Variants in STXBP5 observed in about 807,000 individuals in gnomAD.
STXBP5 encodes syntaxin binding protein 5, also known as syntaxin-binding protein 5.
STXBP5 carries 50 observed loss-of-function variants against 152.4 expected under a neutral mutation model. That is an observed-to-expected ratio of 0.33 (90% confidence interval 0.26 to 0.42). The LOEUF (loss-of-function observed/expected upper bound fraction) is 0.42. STXBP5 is among the 10% of genes least tolerant of loss of function. The pLI, the probability that STXBP5 is intolerant of heterozygous loss-of-function variation, is 1.00. For missense variants in STXBP5, 1,167 were observed against 1,388.6 expected (o/e 0.84, Z 2.54); for synonymous variants, 492 against 494.7 (o/e 0.99, Z 0.07).
chr6:147,300,077 AAGAT>A (rs1267913690), intron 9 of STXBP5, among the ~76,000 whole-genome samples: 4 of 152,098 alleles, frequency 2.6e-5, no homozygotes, highest in Non-Finnish European at 5.9e-5. Flanking sequence ...CTACTGAAAA[AAGAT>A]AGCTAGGATT....
intron 9 of STXBP5, among the ~76,000 whole-genome samples, chr6:147,296,967 A>G (rs1277930834): frequency 6.6e-6 from 1 of 152,214 alleles, no homozygotes; most frequent in Non-Finnish European, 1.5e-5. Flanking sequence ...ATGGAACTTA[A>G]GAGTTGCATT....
chr6:147,370,832 T>C (rs1041468753), intron 25 of STXBP5, among the ~76,000 whole-genome samples: 4 of 152,058 alleles, frequency 2.6e-5, no homozygotes, highest in Admixed American at 1.3e-4. Flanking sequence ...CCTGGAGATA[T>C]TTATTTTTTC....
At chr6:147,238,993 C>A (rs78980862) in intron 3 of STXBP5, among the ~76,000 whole-genome samples, 177 bp from the exon 4 acceptor site, 3,566 of 152,212 alleles carry the variant, frequency 0.023, 141 homozygotes, top group African/African-American at 0.078. Context: ...GCATGTAATA[C>A]ACGTACACTT....
intron 18 of STXBP5, 53 bp downstream of exon 18, chr6:147,327,329 G>T (rs1783315765): frequency 8.9e-6 from 14 of 1,566,966 alleles, no homozygotes; most frequent in Non-Finnish European, 1.2e-5. Context: ...ATAAATGCTG[G>T]CTTACTTTTG....
At chr6:147,304,792 T>C (rs942006472) in intron 9 of STXBP5, among the ~76,000 whole-genome samples, 3 of 152,090 alleles carry the variant, frequency 2.0e-5, no homozygotes, top group South Asian at 4.1e-4. Context: ...TTTTGGAAAT[T>C]TAAGGATTAA....
At chr6:147,257,730 A>G (rs551992825) in intron 4 of STXBP5, among the ~76,000 whole-genome samples, 2 of 152,252 alleles carry the variant, frequency 1.3e-5, no homozygotes, top group Admixed American at 6.5e-5. Flanking sequence ...TTATTTTCCT[A>G]TATGTTTTTA....
At chr6:147,300,328 G>C (rs570384743) in intron 9 of STXBP5, among the ~76,000 whole-genome samples, 19 of 152,142 alleles carry the variant, frequency 1.2e-4, no homozygotes, top group Non-Finnish European at 2.7e-4. Context: ...CACAAAAAAT[G>C]TAAATAGTGA....
intron 9 of STXBP5, among the ~76,000 whole-genome samples, chr6:147,297,901 T>C (rs1263625165): frequency 7.0e-6 from 1 of 142,782 alleles, no homozygotes; most frequent in Non-Finnish European, 1.6e-5. Flanking sequence ...CTTAGTACCA[T>C]AGAAAAACCA....
At position 147,327,081 on chromosome 6, in the gene STXBP5, ATTAT is replaced by A. The variant is rs778830926; in HGVS notation, c.1929-41_1929-38del. 20 of 1,576,278 alleles carry A rather than the reference ATTAT, an allele frequency of 1.3e-5. No individual in the cohort carries two copies. In the African/African-American group the frequency reaches 2.3e-4, roughly 18 times the overall value. ...ATAGACTGTAGTACATTTTTTTGGA[ATTAT>A]TTGTTTGTGCTAAAATGTTTGTTAT... On this transcript the variant is annotated intron_variant, in intron 17 of 27. Transcript: ENST00000321680.
chr6:147,220,030 T>C (rs1040018420), intron 2 of STXBP5, among the ~76,000 whole-genome samples: 5 of 151,902 alleles, frequency 3.3e-5, no homozygotes, highest in African/African-American at 1.2e-4. Context: ...AAATTCCCTT[T>C]AAGTACTATT....
intron 3 of STXBP5, among the ~76,000 whole-genome samples, chr6:147,237,850 G>C (rs927424891): frequency 2.0e-5 from 3 of 152,038 alleles, no homozygotes; most frequent in African/African-American, 7.2e-5. Context: ...CTAAAAGATT[G>C]GTCTTGCAAA....
At chr6:147,240,559 G>C (rs903906311) in intron 4 of STXBP5, among the ~76,000 whole-genome samples, 1 of 152,074 alleles carries the variant, frequency 6.6e-6, no homozygotes, top group South Asian at 2.1e-4. Flanking sequence ...GTTTTCTCAA[G>C]TGGCTACTTT....
chr6:147,281,270 C>T (rs769241676), intron 8 of STXBP5, among the ~76,000 whole-genome samples: 1 of 152,130 alleles, frequency 6.6e-6, no homozygotes, highest in Non-Finnish European at 1.5e-5. Flanking sequence ...GTTGGCCAGG[C>T]TGGTCTCAAA....
chr6:147,258,550 C>T (rs956951090), intron 4 of STXBP5, among the ~76,000 whole-genome samples: 10 of 152,138 alleles, frequency 6.6e-5, no homozygotes, highest in Admixed American at 6.5e-4. Context: ...TCTCGTGCCT[C>T]AGCCTCCTGA....
At chr6:147,328,767 C>T (rs1204310107) in intron 18 of STXBP5, 3 of 470,794 alleles carry the variant, frequency 6.4e-6, no homozygotes, top group East Asian at 6.9e-5. Flanking sequence ...GAAAAAACTA[C>T]GTTCTTCTTT....
intron 22 of STXBP5, among the ~76,000 whole-genome samples, chr6:147,357,524 G>A (rs1582991416): frequency 1.3e-5 from 2 of 152,210 alleles, no homozygotes; most frequent in East Asian, 3.9e-4. Context: ...TTTAGATTGA[G>A]GCCACAGAAT....
At chr6:147,321,736 G>T (rs1342171175) in intron 16 of STXBP5, among the ~76,000 whole-genome samples, 2 of 152,100 alleles carry the variant, frequency 1.3e-5, no homozygotes, top group Non-Finnish European at 2.9e-5. Flanking sequence ...TTTAAAATAC[G>T]TTTGTACAAA....
At chr6:147,303,788 G>A (rs1422878329) in intron 9 of STXBP5, among the ~76,000 whole-genome samples, 1 of 152,212 alleles carries the variant, frequency 6.6e-6, no homozygotes, top group African/African-American at 2.4e-5. Context: ...CCAGGCTGGG[G>A]TGGTCTCAGA....
intron 21 of STXBP5, among the ~76,000 whole-genome samples, chr6:147,349,949 A>T (rs1453000085): frequency 6.6e-6 from 1 of 152,218 alleles, no homozygotes; most frequent in Non-Finnish European, 1.5e-5. Flanking sequence ...GAGATTGCTT[A>T]AAATTTTATC....
Sources: allele counts gnomAD v4.1 joint callset (sites outside exome capture counted in the v4.1 genomes callset), GRCh38; gene constraint gnomAD v4.1.1; transcripts MANE v1.5; gene names NCBI Gene and HGNC (gene_info 2026-07-23, HGNC 2026-07-21).